Variants in MTHFD1 observed in about 807,000 individuals in gnomAD.
The protein encoded by MTHFD1 is methylenetetrahydrofolate dehydrogenase, cyclohydrolase and formyltetrahydrofolate synthetase 1, also known as C-1-tetrahydrofolate synthase, cytoplasmic.
MTHFD1 carries 44 observed loss-of-function variants against 110.3 expected under a neutral mutation model. The observed-to-expected ratio is 0.40, with a 90% CI of 0.31 to 0.51. MTHFD1 has a LOEUF of 0.51. MTHFD1 is among the 20% of genes least tolerant of loss of function. MTHFD1 has a pLI of 0.60. For missense variants in MTHFD1, 909 were observed against 1,173.1 expected, an observed-to-expected ratio of 0.77 and a Z score of 3.29; for synonymous variants, 402 against 428.8, an observed-to-expected ratio of 0.94 and a Z score of 0.77.
chr14:64,404,013 C>T (rs1169862293), intron 2 of MTHFD1, among the ~76,000 whole-genome samples: 2 of 152,134 alleles, frequency 1.3e-5, no homozygotes, highest in African/African-American at 4.8e-5. Context: ...TCTTACACAC[C>T]ATTGCTTTTG....
intron 26 of MTHFD1, among the ~76,000 whole-genome samples, chr14:64,457,139 A>G (rs2078487337): frequency 6.6e-6 from 1 of 152,234 alleles, no homozygotes; most frequent in African/African-American, 2.4e-5. Flanking sequence ...CATCTAGATT[A>G]TGTACAAAAG....
At chr14:64,456,737 C>T (rs2078481022) in intron 26 of MTHFD1, among the ~76,000 whole-genome samples, 1 of 152,162 alleles carries the variant, frequency 6.6e-6, no homozygotes, top group South Asian at 2.1e-4. Context: ...AGAATATAAA[C>T]CAGTTGTCAG....
At chr14:64,422,632 C>T (rs1254314516) in intron 8 of MTHFD1, among the ~76,000 whole-genome samples, 1 of 152,122 alleles carries the variant, frequency 6.6e-6, no homozygotes, top group African/African-American at 2.4e-5. Flanking sequence ...CCAGTCTCAA[C>T]CTATCCAGTG....
At chr14:64,458,114 C>A in intron 26 of MTHFD1, 100 bp from the exon 27 acceptor site, 1 of 951,810 alleles carries the variant, frequency 1.1e-6, no homozygotes, top group Non-Finnish European at 1.7e-6. Flanking sequence ...TGGTTTAGAA[C>A]TCCTGGCCTC....
At chr14:64,393,227 C>T (rs763367253) in intron 1 of MTHFD1, among the ~76,000 whole-genome samples, 3 of 151,996 alleles carry the variant, frequency 2.0e-5, no homozygotes, top group Non-Finnish European at 4.4e-5. Flanking sequence ...TGGTGAAACC[C>T]CATCTCTACT....
intron 9 of MTHFD1, among the ~76,000 whole-genome samples, chr14:64,425,184 G>C (rs544341504): frequency 4.0e-5 from 6 of 151,346 alleles, no homozygotes; most frequent in South Asian, 4.2e-4. Context: ...GGCTTGGCCA[G>C]GTCTGTTTTG....
At chr14:64,405,995 ATATATG>A (rs2077932598) in intron 2 of MTHFD1, among the ~76,000 whole-genome samples, 1 of 149,226 alleles carries the variant, frequency 6.7e-6, no homozygotes, top group South Asian at 2.1e-4. Context: ...GTAATTTTAT[ATATATG>A]TGTGTGTGTG....
rs34166790 is a variant in MTHFD1, at chr14:64,408,285, C to CCTTTTTTT, written c.127-2805_127-2804insCTTTTTTT. Among the ~76,000 whole-genome samples, 12 of 121,182 alleles carry CCTTTTTTT rather than the reference C, an allele frequency of 9.9e-5. 4 individuals carry two copies. The highest frequency in any genetic ancestry group is 1.2e-4 in the Non-Finnish European group (7 of 60,670). The allele number at this position is 121,182 out of a possible 152,430, so 79.5% of individuals were successfully genotyped here. ...CCACCTTCAAGGAGAAATCAGCATT[C>CCTTTTTTT]TTTTTTTTTTTTTTTTTTTTGAGAT... On this transcript the variant is annotated intron_variant, in intron 2 of 27. Coordinates refer to ENST00000652337, the MANE Select transcript of MTHFD1 (RefSeq NM_005956.4).
chr14:64,446,471 A>C (rs549955677), intron 22 of MTHFD1, among the ~76,000 whole-genome samples: 6 of 152,354 alleles, frequency 3.9e-5, no homozygotes, highest in African/African-American at 1.4e-4. Context: ...GGGCTGCAGT[A>C]AACATACTTA....
At chr14:64,438,724 G>T (rs1262885972) in intron 16 of MTHFD1, among the ~76,000 whole-genome samples, 1 of 152,170 alleles carries the variant, frequency 6.6e-6, no homozygotes, top group Non-Finnish European at 1.5e-5. Flanking sequence ...GTGGTGGAAA[G>T]TCAATGAGTC....
rs1250733780 is a variant in MTHFD1, at chr14:64,454,704, T to C, written c.2566-19T>C. 1 of 1,608,380 alleles carries C rather than the reference T, an allele frequency of 6.2e-7. No homozygotes were observed. Among genetic ancestry groups the C allele is most frequent in the Non-Finnish European group, 8.5e-7 (1 of 1,174,728 alleles). ...GTCATCTTTTCATTTGTCCTCCCTC[T>C]CTTCCCTTCTTTCCCCAGGGCTTTG... On this transcript the variant is annotated intron_variant, in intron 25 of 27. Transcript: ENST00000652337.
chr14:64,434,930 G>A (rs529763461), intron 15 of MTHFD1, among the ~76,000 whole-genome samples: 2 of 141,732 alleles, frequency 1.4e-5, no homozygotes, highest in South Asian at 2.3e-4. Context: ...AGCAGACTAC[G>A]TGAAGCTCTC....
chr14:64,426,215 C>CATCCAA, intron 11 of MTHFD1, 23 bp downstream of exon 11: 1 of 1,613,940 alleles, frequency 6.2e-7, no homozygotes, highest in Non-Finnish European at 8.5e-7. Context: ...TTCATGTTGC[C>CATCCAA]ATCCAAATCT....
chr14:64,427,308 C>A (rs2078125895), intron 11 of MTHFD1, 29 bp from the exon 12 acceptor site: 2 of 1,613,252 alleles, frequency 1.2e-6, no homozygotes, highest in Non-Finnish European at 1.7e-6. Flanking sequence ...ATTCTTTAAA[C>A]CTTTTTCTCT....
At chr14:64,442,912 G>C (rs532425092) in intron 21 of MTHFD1, among the ~76,000 whole-genome samples, 1 of 152,224 alleles carries the variant, frequency 6.6e-6, no homozygotes, top group East Asian at 1.9e-4. Flanking sequence ...AACAGGTGGA[G>C]ACTGGCTCAT....
chr14:64,423,468 C>A (rs746178675), intron 8 of MTHFD1, among the ~76,000 whole-genome samples: 3 of 151,252 alleles, frequency 2.0e-5, no homozygotes, highest in African/African-American at 7.3e-5. Context: ...GTGGAATGCT[C>A]ACTGCAGCCT....
At position 64,442,335 on chromosome 14, in the gene MTHFD1, T is replaced by C. The variant is rs2078255847; in HGVS notation, c.2069T>C (p.Leu690Pro). 6.2e-7 allele frequency: 1 copy of C among 1,614,128 alleles called. No individual in the cohort carries two copies. Among genetic ancestry groups the C allele is most frequent in the Non-Finnish European group, 8.5e-7 (1 of 1,180,042 alleles). Residue 690 changes from leucine to proline, a missense_variant, in exon 21 of 28, where the codon CTC (leucine) becomes CCC (proline). Coordinates refer to ENST00000652337, the MANE Select transcript of MTHFD1 (RefSeq NM_005956.4). ...FFNIKCRYSG[L>P]CPHVVVLVAT... is the part of the protein sequence containing the mutation. Reference sequence around the variant, plus strand: ...AACATCAAATGCCGGTATTCCGGCCTCTGCCCCCACGTGGTGGTGCTTGTT... The same window carrying C: ...AACATCAAATGCCGGTATTCCGGCCCCTGCCCCCACGTGGTGGTGCTTGTT...
chr14:64,455,137 A>T (rs1163332926), intron 26 of MTHFD1: 2 of 454,294 alleles, frequency 4.4e-6, no homozygotes, highest in Non-Finnish European at 4.1e-6. Flanking sequence ...CAGGGACAGT[A>T]TGCTCTTCAC....
At chr14:64,452,217 C>A (rs1043683178) in intron 24 of MTHFD1, among the ~76,000 whole-genome samples, 1 of 152,214 alleles carries the variant, frequency 6.6e-6, no homozygotes, top group Admixed American at 6.5e-5. Flanking sequence ...ATCTCTTGAA[C>A]CCGGGAGGCG....
Sources: allele counts gnomAD v4.1 joint callset (sites outside exome capture counted in the v4.1 genomes callset), GRCh38; gene constraint gnomAD v4.1.1; transcripts MANE v1.5; gene names NCBI Gene and HGNC (gene_info 2026-07-23, HGNC 2026-07-21).